CCDC92B: variants seen among roughly 807,000 people sequenced by gnomAD.
CCDC92B encodes the protein coiled-coil domain-containing 92B.
A neutral mutation model predicts 5.6 loss-of-function variants in CCDC92B; 2 were observed. The ratio of observed to expected loss-of-function variants is 0.36; its 90% CI spans 0.15 to 1.12. The LOEUF is 1.12. Ranked by LOEUF, CCDC92B falls within the 50% of genes most tolerant of loss-of-function variation. The pLI is 0.40. For synonymous variants in CCDC92B, 115 were observed against 122.3 expected, an observed-to-expected ratio of 0.94 and a Z score of 0.39; for missense variants, 271 against 262.2, an observed-to-expected ratio of 1.03 and a Z score of -0.23.
intron 1 of CCDC92B, among the ~76,000 whole-genome samples, chr17:2,747,493 G>A (rs1297290492): frequency 2.6e-5 from 4 of 152,136 alleles, no homozygotes; most frequent in African/African-American, 7.2e-5. Flanking sequence ...TTGGGAGGCC[G>A]ACTGGGGCAG....
chr17:2,729,418 C>G (rs1012251666), intron 3 of CCDC92B, among the ~76,000 whole-genome samples: 1 of 140,978 alleles, frequency 7.1e-6, no homozygotes, highest in African/African-American at 2.6e-5. Context: ...CACTTGAACA[C>G]GGGAGGTGGA....
chr17:2,726,749 G>T (rs2070736088), intron 3 of CCDC92B, among the ~76,000 whole-genome samples: 1 of 152,078 alleles, frequency 6.6e-6, no homozygotes, highest in African/African-American at 2.4e-5. Flanking sequence ...GAGTAGCTGG[G>T]ATTACAGGCA....
At chr17:2,737,262 G>T (rs1422523961) in intron 1 of CCDC92B, among the ~76,000 whole-genome samples, 1 of 152,060 alleles carries the variant, frequency 6.6e-6, no homozygotes, top group Non-Finnish European at 1.5e-5. Flanking sequence ...GGGAGAGACA[G>T]GCCAGTAAGA....
chr17:2,734,592 C>T (rs1597239777), intron 2 of CCDC92B, among the ~76,000 whole-genome samples: 3 of 151,616 alleles, frequency 2.0e-5, no homozygotes, highest in African/African-American at 7.3e-5. Context: ...TGGGTTCAAG[C>T]GATTCCTCTG....
intron 1 of CCDC92B, among the ~76,000 whole-genome samples, chr17:2,737,956 G>A (rs1231325684): frequency 1.3e-5 from 2 of 151,976 alleles, no homozygotes; most frequent in Non-Finnish European, 2.9e-5. Flanking sequence ...CTCTCGTACC[G>A]CTTCACACGC....
intron 1 of CCDC92B, among the ~76,000 whole-genome samples, chr17:2,737,666 G>A (rs962763954): frequency 2.0e-5 from 3 of 150,778 alleles, no homozygotes; most frequent in African/African-American, 7.4e-5. Flanking sequence ...TAGTAGAGAT[G>A]GGGGTTTCAC....
chr17:2,737,478 T>TC (rs2070870425), intron 1 of CCDC92B, among the ~76,000 whole-genome samples: 2 of 130,490 alleles, frequency 1.5e-5, no homozygotes, highest in African/African-American at 5.8e-5. Context: ...TTTTTTTTTT[T>TC]TTTTTTTTTT....
chr17:2,743,772 C>T (rs1045579202), intron 1 of CCDC92B, among the ~76,000 whole-genome samples: 3 of 152,326 alleles, frequency 2.0e-5, no homozygotes, highest in African/African-American at 7.2e-5. Context: ...TCTCATCACC[C>T]AATTTAAAAT....
At chr17:2,725,306 C>T (rs1211840937) in intron 3 of CCDC92B, among the ~76,000 whole-genome samples, 2 of 151,918 alleles carry the variant, frequency 1.3e-5, no homozygotes, top group African/African-American at 4.8e-5. Context: ...TCGCTTGAAC[C>T]GGGGAGGCGG....
intron 2 of CCDC92B, among the ~76,000 whole-genome samples, chr17:2,732,347 G>A (rs1034381953): frequency 2.6e-5 from 4 of 152,086 alleles, no homozygotes; most frequent in Non-Finnish European, 5.9e-5. Context: ...TCCTCCTTGG[G>A]GGAAAGGCCT....
At chr17:2,732,520 C>G (rs1421360528) in intron 2 of CCDC92B, among the ~76,000 whole-genome samples, 1 of 151,970 alleles carries the variant, frequency 6.6e-6, no homozygotes. Flanking sequence ...AGTTTGAGAC[C>G]AGCCTGGCCA....
intron 1 of CCDC92B, chr17:2,748,579 A>G: frequency 1.0e-6 from 1 of 985,024 alleles, no homozygotes; most frequent in Non-Finnish European, 1.2e-6. Flanking sequence ...ACTAAGCCAT[A>G]CGCTTCCTGA....
chr17:2,748,047 G>T (rs9898615), intron 1 of CCDC92B: 28,240 of 495,276 alleles, frequency 0.057, 1,844 homozygotes, highest in African/African-American at 0.24. Context: ...GCAACTAGAA[G>T]CACCCCACTG....
At chr17:2,749,074 G>A (rs1379203798) in intron 1 of CCDC92B, among the ~76,000 whole-genome samples, 3 of 152,098 alleles carry the variant, frequency 2.0e-5, no homozygotes, top group African/African-American at 7.2e-5. Context: ...AGGGAAGGCA[G>A]GGGTTGGGGG....
At chr17:2,739,341 T>TA (rs2070898205) in intron 1 of CCDC92B, among the ~76,000 whole-genome samples, 1 of 151,072 alleles carries the variant, frequency 6.6e-6, no homozygotes, top group Non-Finnish European at 1.5e-5. Context: ...CACTCCAGCC[T>TA]GGCGACAGAG....
chr17:2,743,097 G>GC (rs1344711134), intron 1 of CCDC92B, among the ~76,000 whole-genome samples: 1 of 152,110 alleles, frequency 6.6e-6, no homozygotes, highest in Non-Finnish European at 1.5e-5. Flanking sequence ...TTCCATTCTT[G>GC]CCCCTTGTTT....
chr17:2,737,692 G>A (rs921565227), intron 1 of CCDC92B, among the ~76,000 whole-genome samples: 2 of 151,632 alleles, frequency 1.3e-5, no homozygotes, highest in African/African-American at 4.9e-5. Flanking sequence ...TAGCCAGGAT[G>A]GTCTCGATCT....
intron 1 of CCDC92B, among the ~76,000 whole-genome samples, chr17:2,749,081 G>A (rs1009050): frequency 2.6e-5 from 4 of 151,626 alleles, no homozygotes; most frequent in Admixed American, 1.3e-4. Context: ...GCAGGGGTTG[G>A]GGGGGGGATG....
chr17:2,742,859 G>T (rs951636817), intron 1 of CCDC92B, among the ~76,000 whole-genome samples: 2 of 152,136 alleles, frequency 1.3e-5, no homozygotes, highest in African/African-American at 2.4e-5. Context: ...CCACATTGCT[G>T]TTTGCCCACT....
Sources: allele counts gnomAD v4.1 joint callset (sites outside exome capture counted in the v4.1 genomes callset), GRCh38; gene constraint gnomAD v4.1.1; transcripts MANE v1.5; gene names NCBI Gene and HGNC (gene_info 2026-07-23, HGNC 2026-07-21).